The following ASIC2 variants were observed in gnomAD, a reference collection of about 807,000 sequenced individuals.
The protein encoded by ASIC2 is acid-sensing ion channel 2.
ASIC2 carries 25 observed loss-of-function variants against 57.3 expected under a neutral mutation model. The observed-to-expected ratio is 0.44, with a 90% CI of 0.32 to 0.61. The LOEUF is 0.61. ASIC2 is among the 20% of genes least tolerant of loss of function. The pLI is 0.06. For missense variants in ASIC2, 641 were observed against 738.1 expected (o/e 0.87, Z 1.52); for synonymous variants, 319 against 307.5 (o/e 1.04, Z -0.39).
chr17:34,106,325 AT>A (rs1911054175), intron 1 of ASIC2, among the ~76,000 whole-genome samples: 9 of 152,290 alleles, frequency 5.9e-5, no homozygotes, highest in Admixed American at 2.0e-4. Context: ...CAGTCAGTAT[AT>A]GAAGTATCTT....
chr17:34,054,342 G>T (rs1908681818), intron 1 of ASIC2, among the ~76,000 whole-genome samples: 1 of 152,182 alleles, frequency 6.6e-6, no homozygotes, highest in Non-Finnish European at 1.5e-5. Context: ...GAAGTACAAA[G>T]CTCCAAGAGG....
At chr17:33,636,080 A>G (rs939777758) in intron 1 of ASIC2, among the ~76,000 whole-genome samples, 1 of 152,218 alleles carries the variant, frequency 6.6e-6, no homozygotes, top group African/African-American at 2.4e-5. Context: ...ACAATATTGC[A>G]TTATTTTGTT....
chr17:33,731,049 C>T (rs751976753), intron 1 of ASIC2, among the ~76,000 whole-genome samples: 5 of 152,142 alleles, frequency 3.3e-5, no homozygotes, highest in Non-Finnish European at 7.4e-5. Context: ...TGCTCGGATG[C>T]CCCATGGAAG....
intron 1 of ASIC2, among the ~76,000 whole-genome samples, chr17:34,095,600 G>C (rs1248103241): frequency 1.9e-5 from 2 of 105,222 alleles, no homozygotes; most frequent in Non-Finnish European, 4.0e-5. Context: ...GGAGAAGCAG[G>C]CAAATTTTAT....
chr17:33,050,226 C>T (rs1170134238), intron 3 of ASIC2, among the ~76,000 whole-genome samples: 1 of 152,112 alleles, frequency 6.6e-6, no homozygotes, highest in African/African-American at 2.4e-5. Flanking sequence ...ACTGAGAGGC[C>T]ATTCCTCAGC....
intron 1 of ASIC2, among the ~76,000 whole-genome samples, chr17:33,712,924 C>G (rs901398541): frequency 2.6e-5 from 4 of 152,048 alleles, no homozygotes; most frequent in Admixed American, 2.6e-4. Context: ...GGATTACAGG[C>G]GTGAGCCACC....
intron 1 of ASIC2, among the ~76,000 whole-genome samples, chr17:33,346,550 G>C (rs1226217566): frequency 6.6e-6 from 1 of 152,192 alleles, no homozygotes; most frequent in Non-Finnish European, 1.5e-5. Context: ...ACATGTGCCT[G>C]TGTGGTAGAA....
intron 1 of ASIC2, among the ~76,000 whole-genome samples, chr17:33,213,198 A>G (rs901395193): frequency 1.3e-5 from 2 of 152,210 alleles, no homozygotes; most frequent in African/African-American, 2.4e-5. Context: ...TCCAATGCAC[A>G]TTAATATGGG....
rs546982477 is a variant in ASIC2, at chr17:33,773,837, TA to T, written c.555+382140del. Among the ~76,000 whole-genome samples the T allele has an allele frequency of 8.4e-4, 128 of 152,000 alleles. 1 individual carries two copies. In the South Asian group the frequency reaches 0.014, roughly 16 times the overall value. On this transcript the variant is annotated intron_variant, in intron 1 of 9. Coordinates refer to the ASIC2 transcript ENST00000359872. ...GCCTGGCTAATTTAAATTTTATTATTATTTTTTTTTGTAGAGACAGGGTTTT... is the reference window on the plus strand; with the variant it reads ...GCCTGGCTAATTTAAATTTTATTATTTTTTTTTTTGTAGAGACAGGGTTTT...
intron 1 of ASIC2, among the ~76,000 whole-genome samples, chr17:33,711,399 G>A (rs1372178697): frequency 1.3e-5 from 2 of 152,144 alleles, no homozygotes; most frequent in African/African-American, 4.8e-5. Context: ...ACCCACCTGG[G>A]TGAGAGTCAA....
At chr17:33,131,088 T>C (rs541507047) in intron 1 of ASIC2, among the ~76,000 whole-genome samples, 6 of 152,290 alleles carry the variant, frequency 3.9e-5, no homozygotes, top group Middle Eastern at 3.4e-3. Context: ...GAGCCTACTA[T>C]GCTTATTGTG....
At chr17:34,024,285 A>C (rs1440428601) in intron 1 of ASIC2, among the ~76,000 whole-genome samples, 2 of 152,230 alleles carry the variant, frequency 1.3e-5, no homozygotes, top group African/African-American at 2.4e-5. Flanking sequence ...AATGGCTCTT[A>C]ATCTCAGCAC....
intron 1 of ASIC2, among the ~76,000 whole-genome samples, chr17:33,778,095 G>A (rs770807687): frequency 2.0e-5 from 3 of 152,118 alleles, no homozygotes; most frequent in Non-Finnish European, 4.4e-5. Flanking sequence ...CTGATTCACT[G>A]AGCTACCTTG....
intron 1 of ASIC2, among the ~76,000 whole-genome samples, chr17:33,458,096 A>G (rs1912512238): frequency 6.6e-6 from 1 of 152,166 alleles, no homozygotes; most frequent in African/African-American, 2.4e-5. Flanking sequence ...GGTCTTAAGG[A>G]TAAGTAGTAG....
rs571984023 is a variant in ASIC2 at position 33,686,306 on chromosome 17, C to T, written c.555+469672G>A. On this transcript the variant is annotated intron_variant, in intron 1 of 9. Transcript: ENST00000359872. ...GGGGCTGCAAAAACCTAGGATTCTT[C>T]GGATGGAGAACCTATAGGAGGAGTT... Among the ~76,000 whole-genome samples the T allele has an allele frequency of 5.3e-5, 8 of 152,230 alleles. No individual in the cohort carries two copies. In the South Asian group the frequency reaches 1.7e-3, roughly 32 times the overall value.
At chr17:33,191,058 G>A (rs777997252) in intron 1 of ASIC2, among the ~76,000 whole-genome samples, 3 of 152,058 alleles carry the variant, frequency 2.0e-5, no homozygotes, top group Non-Finnish European at 2.9e-5. Flanking sequence ...TAGGAGCCCC[G>A]AACTGGAAAC....
intron 1 of ASIC2, among the ~76,000 whole-genome samples, chr17:33,468,880 A>G (rs1356338768): frequency 1.3e-5 from 2 of 152,170 alleles, no homozygotes; most frequent in Non-Finnish European, 2.9e-5. Context: ...GGGTACGGCT[A>G]ATGGCAGGAT....
intron 1 of ASIC2, among the ~76,000 whole-genome samples, chr17:33,530,592 G>C (rs997493602): frequency 6.6e-6 from 1 of 152,330 alleles, no homozygotes; most frequent in South Asian, 2.1e-4. Flanking sequence ...GGCTCAGATG[G>C]GAGCATGAGG....
intron 1 of ASIC2, among the ~76,000 whole-genome samples, chr17:33,914,026 C>CG (rs1274209834): frequency 1.3e-5 from 2 of 152,040 alleles, no homozygotes; most frequent in Non-Finnish European, 2.9e-5. Context: ...TATCGCAGGG[C>CG]GAGACCATAA....
Sources: gnomAD v4.1 joint callset for allele counts (sites outside exome capture counted in the v4.1 genomes callset) on GRCh38, gnomAD v4.1.1 for gene constraint, MANE v1.5 for transcripts, NCBI Gene and HGNC (gene_info 2026-07-23, HGNC 2026-07-21) for gene names.